Variants in DOCK10 observed in about 807,000 individuals in gnomAD.
DOCK10 encodes the protein dedicator of cytokinesis protein 10.
Under a neutral mutation model 280.1 loss-of-function variants are expected in DOCK10, and 145 were observed. The observed-to-expected ratio is 0.52, with a 90% CI of 0.45 to 0.59. The LOEUF (loss-of-function observed/expected upper bound fraction) is 0.59, where lower values mean the gene tolerates loss of function less well. Among genes scored for constraint, DOCK10 ranks in the 20% least tolerant of loss-of-function variants. The pLI is 0.00. For missense variants in DOCK10, 2,368 were observed against 2,651.7 expected (o/e 0.89, Z 2.35); for synonymous variants, 915 against 942.2 (o/e 0.97, Z 0.53).
intron 41 of DOCK10, among the ~76,000 whole-genome samples, chr2:224,799,710 T>C (rs1692839471): frequency 6.6e-6 from 1 of 152,246 alleles, no homozygotes; most frequent in East Asian, 1.9e-4. Context: ...CTTTAGCCAT[T>C]CTAAGTAGTG....
At chr2:224,882,198 A>AGAT (rs1699017354) in intron 7 of DOCK10, among the ~76,000 whole-genome samples, 1 of 152,230 alleles carries the variant, frequency 6.6e-6, no homozygotes, top group South Asian at 2.1e-4. Flanking sequence ...ATGGATGGAT[A>AGAT]GATGAATGAA....
intron 12 of DOCK10, 66 bp from the exon 13 acceptor site, chr2:224,864,741 AT>A (rs1269063815): frequency 6.3e-7 from 1 of 1,575,952 alleles, no homozygotes. Flanking sequence ...ACAAAATTCC[AT>A]TTTTTTAAAA....
At chr2:224,779,675 A>G (rs977832539) in intron 50 of DOCK10, among the ~76,000 whole-genome samples, 5 of 152,238 alleles carry the variant, frequency 3.3e-5, no homozygotes, top group African/African-American at 1.2e-4. Context: ...TTATTTTTTC[A>G]TGGTGAGACA....
At chr2:224,973,698 A>G (rs1705229928) in intron 1 of DOCK10, among the ~76,000 whole-genome samples, 1 of 152,196 alleles carries the variant, frequency 6.6e-6, no homozygotes, top group South Asian at 2.1e-4. Flanking sequence ...GTTCGTGGTC[A>G]TTTATTACAG....
Position 224,793,005 on chromosome 2 carries a change from G to A in DOCK10, c.5280C>T (p.Ser1760=), listed in dbSNP as rs776620433. 1 of 1,613,756 alleles carries A rather than the reference G, an allele frequency of 6.2e-7. No homozygotes were observed. The highest frequency in any genetic ancestry group is 1.3e-5 in the African/African-American group (1 of 75,054). Residue 1760 remains serine, a synonymous_variant, in exon 47 of 56, where the codon AGC becomes AGT. Transcript: ENST00000258390. ...CACTGGGAGTTGTTAGTAATGAGTT[G>A]CTATCACAGGGGTGGGTATCCTCCG... ...LLSEDTHPCD[S]NSLLTTPSGG...
At chr2:224,935,533 G>A (rs369557508) in intron 1 of DOCK10, among the ~76,000 whole-genome samples, 12 of 152,182 alleles carry the variant, frequency 7.9e-5, no homozygotes, top group African/African-American at 2.9e-4. Flanking sequence ...TGGGATTCCA[G>A]TTTTGGCATT....
chr2:224,913,657 C>T (rs1701154279), intron 3 of DOCK10, among the ~76,000 whole-genome samples: 1 of 152,132 alleles, frequency 6.6e-6, no homozygotes, highest in Admixed American at 6.5e-5. Flanking sequence ...TCCCTAACTT[C>T]CCACTTAAAA....
In DOCK10 at chr2:224,775,104, C is replaced by T. The variant is rs895214108; in HGVS notation, c.5814G>A (p.Lys1938=). 6.2e-7 allele frequency: 1 copy of T among 1,613,968 alleles called. No individual in the cohort carries two copies. The highest frequency in any genetic ancestry group is 1.1e-5 in the South Asian group (1 of 91,080). The change falls in exon 52 of 56, where the codon AAG becomes AAA. Residue 1938 remains lysine, a synonymous_variant. Transcript: ENST00000258390. ...TGTAGGCATATTTGGGGTCCAAATC[C>T]TTGGGGTTTACCTGTGTTAACAGAT... The part of the protein sequence containing the change: ...IIQDSNKVNP[K]DLDPKYAYIQ...
rs921200146 is a variant in DOCK10, at chr2:224,888,820, G to A, written c.417-2289C>T. On this transcript the variant is annotated intron_variant, in intron 4 of 55. Transcript: ENST00000258390. The stretch of plus-strand genomic sequence containing the variant: ...TATGTGTGAATATATATGTGTGTAT[G>A]TATGTGTGTGAATATGTATGTGTGA... Among the ~76,000 whole-genome samples the A allele has an allele frequency of 2.9e-5, 4 of 137,380 alleles. No homozygotes were observed. In the East Asian group the frequency reaches 7.8e-4, roughly 27 times the overall value. 90.1% of individuals were successfully genotyped at this position (137,380 alleles called of 152,430 possible).
intron 1 of DOCK10, among the ~76,000 whole-genome samples, chr2:225,006,271 C>CT (rs1689245645): frequency 6.6e-6 from 1 of 152,034 alleles, no homozygotes; most frequent in Non-Finnish European, 1.5e-5. Context: ...CAATTCTTGT[C>CT]TTTTTTAGAT....
intron 1 of DOCK10, among the ~76,000 whole-genome samples, chr2:224,968,910 C>A (rs1435846172): frequency 6.6e-6 from 1 of 152,168 alleles, no homozygotes; most frequent in African/African-American, 2.4e-5. Flanking sequence ...GAGCCACAGA[C>A]AGACACACAC....
intron 1 of DOCK10, among the ~76,000 whole-genome samples, chr2:224,937,740 G>C (rs929436871): frequency 6.6e-6 from 1 of 152,056 alleles, no homozygotes; most frequent in Non-Finnish European, 1.5e-5. Flanking sequence ...TTGAGAAATG[G>C]CCTAGAAAAT....
chr2:224,997,486 C>T (rs1300605086), intron 1 of DOCK10, among the ~76,000 whole-genome samples: 1 of 152,150 alleles, frequency 6.6e-6, no homozygotes, highest in African/African-American at 2.4e-5. Flanking sequence ...CCCACCTCAG[C>T]CTCTCAAAGT....
chr2:224,862,645 G>T lies in DOCK10; in HGVS notation c.1685+19C>A, dbSNP rs775439939. The stretch of plus-strand genomic sequence containing the variant: ...CATTAAATGTATTTCTAGTCTGTTG[G>T]CTGCAACTGTCAACATACCTTACTG... On this transcript the variant is annotated intron_variant, in intron 14 of 55. Transcript: ENST00000258390. The T allele has an allele frequency of 6.2e-5, 99 of 1,597,968 alleles. No individual in the cohort carries two copies. Among genetic ancestry groups the T allele is most frequent in the Non-Finnish European group, 8.1e-5 (95 of 1,165,982 alleles).
intron 1 of DOCK10, among the ~76,000 whole-genome samples, chr2:224,979,339 A>C (rs1441016012): frequency 6.6e-6 from 1 of 152,240 alleles, no homozygotes; most frequent in African/African-American, 2.4e-5. Flanking sequence ...TCATTCATCA[A>C]GATCACACAG....
At chr2:224,869,601 A>G (rs774094694) in intron 11 of DOCK10, among the ~76,000 whole-genome samples, 3 of 152,222 alleles carry the variant, frequency 2.0e-5, no homozygotes, top group African/African-American at 4.8e-5. Flanking sequence ...TTATTTTTCT[A>G]AAGTAATTTC....
intron 1 of DOCK10, among the ~76,000 whole-genome samples, chr2:224,980,358 C>A (rs1705679886): frequency 6.6e-6 from 1 of 152,186 alleles, no homozygotes; most frequent in South Asian, 2.1e-4. Flanking sequence ...AAAATATTTT[C>A]ATTGGCTAAA....
At position 224,789,280 on chromosome 2, in the gene DOCK10, A is replaced by C. The variant is rs1691973561; in HGVS notation, c.5312-110T>G. ...CAAGTGGTAGTATTACAAAGCTCAC[A>C]CAATCAACAAGATGGTTAGATTATG... On this transcript the variant is annotated intron_variant, in intron 47 of 55. Transcript: ENST00000258390. 9.1e-6 allele frequency: 6 copies of C among 662,226 alleles called. No individual in the cohort carries two copies. In the East Asian group the frequency reaches 1.6e-4, roughly 18 times the overall value. The allele number at this position is 662,226 out of a possible 1,614,324, so 41.0% of individuals were successfully genotyped here. A position where few individuals can be genotyped will look rare whatever the true frequency, so the allele number is the denominator to read the frequency against.
chr2:224,957,987 G>C (rs1704151379), intron 1 of DOCK10, among the ~76,000 whole-genome samples: 1 of 152,186 alleles, frequency 6.6e-6, no homozygotes, highest in Non-Finnish European at 1.5e-5. Flanking sequence ...CTGTGGTGTT[G>C]GCCACTGTGG....
Sources: gnomAD v4.1 joint callset for allele counts (sites outside exome capture counted in the v4.1 genomes callset) on GRCh38, gnomAD v4.1.1 for gene constraint, MANE v1.5 for transcripts, NCBI Gene and HGNC (gene_info 2026-07-23, HGNC 2026-07-21) for gene names.